The following SCN1A variants were observed in gnomAD, a reference collection of about 807,000 sequenced individuals.
The protein encoded by SCN1A is sodium channel protein type 1 subunit alpha.
In SCN1A, 13 loss-of-function variants were observed where a neutral mutation model predicts 193.7. The ratio of observed to expected loss-of-function variants is 0.07; its 90% CI spans 0.04 to 0.11. The LOEUF (loss-of-function observed/expected upper bound fraction) is 0.11. Ranked by LOEUF, SCN1A falls within the 10% of genes least tolerant of loss-of-function variation. The probability of loss-of-function intolerance (pLI) is 1.00; values close to 1 mark genes in which losing one functional copy is unlikely to be tolerated. For missense variants in SCN1A, 1,432 were observed against 2,451.1 expected, an observed-to-expected ratio of 0.58 and a Z score of 8.78; for synonymous variants, 781 against 843.6, an observed-to-expected ratio of 0.93 and a Z score of 1.29.
At chr2:166,033,272 C>G (rs1695874959) in intron 19 of SCN1A, among the ~76,000 whole-genome samples, 1 of 152,184 alleles carries the variant, frequency 6.6e-6, no homozygotes, top group Non-Finnish European at 1.5e-5. Context: ...AGCTTAAGAA[C>G]TCCTGGACTT....
intron 3 of SCN1A, among the ~76,000 whole-genome samples, chr2:166,074,854 A>C (rs2105989972): frequency 6.6e-6 from 1 of 152,280 alleles, no homozygotes; most frequent in Middle Eastern, 3.4e-3. Flanking sequence ...AATTTCAAGG[A>C]GGTTCTCATT....
At chr2:166,131,107 C>A (rs1167273077), upstream of SCN1A, among the ~76,000 whole-genome samples, 1 of 151,962 alleles carries the variant, frequency 6.6e-6, no homozygotes, top group East Asian at 1.9e-4. Context: ...ATAATTTTGT[C>A]TCTTTCTCAC....
intron 24 of SCN1A, chr2:165,999,994 C>G: frequency 1.8e-6 from 1 of 568,262 alleles, no homozygotes; most frequent in Non-Finnish European, 3.2e-6. Flanking sequence ...ATATCCTCCC[C>G]TTGATAACCA....
chr2:166,136,977 T>C (rs1691886365), intron 1 of SCN1A, among the ~76,000 whole-genome samples: 1 of 152,210 alleles, frequency 6.6e-6, no homozygotes, highest in Admixed American at 6.5e-5. Context: ...CCCTGGAAAG[T>C]GGACTTGAAA....
rs1688649316 is a variant in SCN1A at position 165,986,921 on chromosome 2, T to A, written c.*4324A>T. 6.6e-6 allele frequency: 1 copy of A among 152,084 alleles called. No individual in the cohort carries two copies. The highest frequency in any genetic ancestry group is 2.1e-4 in the South Asian group (1 of 4,832). 9.4% of individuals were successfully genotyped at this position (152,084 alleles called of 1,614,324 possible). The stretch of plus-strand genomic sequence containing the variant: ...TTTCATGGAACAGGCACACTAGTCT[T>A]AACAAAATTAGGAAAATTAACACTA... On this transcript the variant is annotated 3_prime_UTR_variant, in exon 29 of 29. Transcript: ENST00000674923.
intron 2 of SCN1A, among the ~76,000 whole-genome samples, chr2:166,105,253 G>C (rs999753564): frequency 1.3e-5 from 2 of 152,118 alleles, no homozygotes; most frequent in African/African-American, 2.4e-5. Flanking sequence ...CTTCATCAAG[G>C]GTTTCCCTTT....
intron 2 of SCN1A, among the ~76,000 whole-genome samples, chr2:166,114,836 A>G (rs1689671385): frequency 1.3e-5 from 2 of 152,126 alleles, no homozygotes; most frequent in Non-Finnish European, 1.5e-5. Flanking sequence ...AAAACACCAT[A>G]GGAATCCCAT....
At chr2:166,045,378 T>G (rs780149107) in intron 12 of SCN1A, 51 bp from the exon 13 acceptor site, 1 of 1,587,030 alleles carries the variant, frequency 6.3e-7, no homozygotes, top group African/African-American at 1.4e-5. Flanking sequence ...GACTGTATCT[T>G]TCTTTGAAAG....
chr2:166,026,479 T>G (rs935350613), intron 19 of SCN1A, among the ~76,000 whole-genome samples: 7 of 152,092 alleles, frequency 4.6e-5, no homozygotes, highest in Non-Finnish European at 8.8e-5. Flanking sequence ...TATAAAATTC[T>G]AAAGAAATTC....
At chr2:165,997,205 T>C (rs1690198337) in intron 26 of SCN1A, among the ~76,000 whole-genome samples, 1 of 151,242 alleles carries the variant, frequency 6.6e-6, no homozygotes, top group South Asian at 2.1e-4. Context: ...ATTTAAATCA[T>C]TAAAGATTAA....
chr2:166,074,931 T>G (rs1407479593), intron 3 of SCN1A, among the ~76,000 whole-genome samples: 1 of 152,156 alleles, frequency 6.6e-6, no homozygotes, highest in East Asian at 1.9e-4. Context: ...CAAGTTTAAA[T>G]TTGTACCCTT....
At chr2:165,997,939 C>T in intron 26 of SCN1A, 99 bp downstream of exon 26, 5 of 891,872 alleles carry the variant, frequency 5.6e-6, no homozygotes, top group Non-Finnish European at 9.2e-6. Context: ...AATATATACT[C>T]CCATTTTGTT....
At position 165,989,844 on chromosome 2, in the gene SCN1A, AAC is replaced by A. The variant is rs748227204; in HGVS notation, c.*1399_*1400del. On this transcript the variant is annotated 3_prime_UTR_variant, in exon 29 of 29. Coordinates refer to ENST00000674923, the MANE Select transcript of SCN1A (RefSeq NM_001165963.4). ...ATTTATATTTGCTTATAAAATTCTAAACACATATTTAATAGGTTAAGCAGTGT... is the reference window on the plus strand; with the variant it reads ...ATTTATATTTGCTTATAAAATTCTAAACATATTTAATAGGTTAAGCAGTGT... 1 of 152,594 alleles carries A rather than the reference AAC, an allele frequency of 6.6e-6. No individual in the cohort carries two copies. The highest frequency in any genetic ancestry group is 2.4e-5 in the African/African-American group (1 of 41,442). 9.5% of individuals were successfully genotyped at this position (152,594 alleles called of 1,614,324 possible). A position where few individuals can be genotyped will look rare whatever the true frequency, so the allele number is the denominator to read the frequency against.
intron 2 of SCN1A, among the ~76,000 whole-genome samples, chr2:166,101,650 C>G (rs1688097435): frequency 6.6e-6 from 1 of 152,108 alleles, no homozygotes; most frequent in Non-Finnish European, 1.5e-5. Flanking sequence ...GTTAAATAAA[C>G]TGTGCTGGGA....
chr2:166,025,834 A>G (rs553023778), intron 19 of SCN1A, among the ~76,000 whole-genome samples: 106 of 152,174 alleles, frequency 7.0e-4, no homozygotes, highest in African/African-American at 2.4e-3. Context: ...CTTCTTAATC[A>G]TATTAGTAAT....
intron 17 of SCN1A, 43 bp from the exon 18 acceptor site, chr2:166,038,175 AG>A: frequency 7.1e-7 from 1 of 1,405,072 alleles, no homozygotes; most frequent in South Asian, 1.3e-5. Context: ...GATTCTTAAA[AG>A]CATTATATAT....
At chr2:166,096,612 A>G (rs1022040522) in intron 2 of SCN1A, among the ~76,000 whole-genome samples, 1 of 152,180 alleles carries the variant, frequency 6.6e-6, no homozygotes, top group Admixed American at 6.5e-5. Flanking sequence ...GAACATATAC[A>G]TGTATAGATA....
At position 166,085,797 on chromosome 2, in the gene SCN1A, T is replaced by C. The variant is rs903850789; in HGVS notation, c.-141-7996A>G. On this transcript the variant is annotated intron_variant, in intron 2 of 28. Coordinates refer to ENST00000674923, the MANE Select transcript of SCN1A (RefSeq NM_001165963.4). ...TGCAGAATTCATTTGGTTCAGATTC[T>C]GTATATATAAAATCTAGACATAGAA... Among the ~76,000 whole-genome samples, 3 of 152,152 alleles carry C rather than the reference T, an allele frequency of 2.0e-5. 1 individual carries two copies. In the East Asian group the frequency reaches 5.8e-4, roughly 29 times the overall value.
At position 166,039,500 on chromosome 2, in the gene SCN1A, A is replaced by C; in HGVS notation, c.2512T>G (p.Phe838Val). The C allele has an allele frequency of 6.2e-7, 1 of 1,613,932 alleles. No homozygotes were observed. The highest frequency in any genetic ancestry group is 1.1e-5 in the South Asian group (1 of 91,080). Residue 838 changes from phenylalanine (F) to valine (V), a missense_variant, in exon 17 of 29, where the codon TTT becomes GTT. Phe to Val is a conservative substitution (Grantham distance 50). This residue lies in a region of SCN1A where 93 missense variants were observed against 260.4 expected (regional missense o/e 0.36). Coordinates refer to ENST00000674923, the MANE Select transcript of SCN1A (RefSeq NM_001165963.4). ...TCTACCAGGCTAAGCGTCACAATAA[A>C]ACCGTCAAAGATATTCCAGCCTTCT... ...FQEGWNIFDGFIVTLSLVELG... is the reference protein window; with the variant it reads ...FQEGWNIFDGVIVTLSLVELG...
Sources: gnomAD v4.1 joint callset for allele counts (sites outside exome capture counted in the v4.1 genomes callset) on GRCh38, gnomAD v4.1.1 for gene constraint, gnomAD v4.1.1 regional missense constraint, MANE v1.5 for transcripts, NCBI Gene and HGNC (gene_info 2026-07-23, HGNC 2026-07-21) for gene names.